Variants in NIN observed in about 807,000 individuals in gnomAD.
NIN encodes the protein ninein.
NIN carries 137 observed loss-of-function variants against 257.6 expected under a neutral mutation model. That is an observed-to-expected ratio of 0.53 (90% confidence interval 0.46 to 0.61). The LOEUF (loss-of-function observed/expected upper bound fraction) is 0.61. Ranked by LOEUF, NIN falls within the 20% of genes least tolerant of loss-of-function variation. The probability of loss-of-function intolerance (pLI) is 0.00; values close to 1 mark genes in which losing one functional copy is unlikely to be tolerated. For missense variants in NIN, 2,439 were observed against 2,501.2 expected, an observed-to-expected ratio of 0.98 and a Z score of 0.53; for synonymous variants, 918 against 919.8, an observed-to-expected ratio of 1.00 and a Z score of 0.04.
chr14:50,751,863 T>C (rs2140704706), intron 21 of NIN, among the ~76,000 whole-genome samples: 1 of 152,332 alleles, frequency 6.6e-6, no homozygotes, highest in Non-Finnish European at 1.5e-5. Context: ...TTTGTTCGTA[T>C]GCTTCTCCCA....
rs546555629 is a variant in NIN at position 50,790,713 on chromosome 14, A to C, written c.435+1999T>G. On this transcript the variant is annotated intron_variant, in intron 5 of 30. Transcript: ENST00000530997. ...TATCTAAGAGGTTTCTGGAGGAGTT[A>C]AGGGAAGTTGTAAGTACATCAAGGG... 2.0e-5 allele frequency among the ~76,000 whole-genome samples: 3 copies of C among 152,326 alleles called. No homozygotes were observed. The South Asian group carries it at 6.2e-4, about 32-fold the overall frequency.
rs749775164 is a variant in NIN, at chr14:50,758,350, T to C, written c.2680A>G (p.Arg894Gly). ...KTTSLVLTQE[R>G]EMLEKTYKEH... The stretch of plus-strand genomic sequence containing the variant: ...TTGTATGTTTTCTCCAGCATCTCTC[T>C]CTCCTGGGTCAGGACCAGAGAAGTT... The change falls in exon 18 of 31, where the codon AGA (arginine) becomes GGA (glycine). Residue 894 changes from arginine (R) to glycine (G), a missense_variant. By Grantham distance (125) the Arg-to-Gly change is moderately radical (BLOSUM62 -2). Around this residue, in one of 3 missense-constraint regions of NIN, gnomAD observed 2,043 missense variants for 2,050.2 expected, o/e 1.00. Transcript: ENST00000530997. 1.9e-6 allele frequency: 3 copies of C among 1,614,154 alleles called. No individual in the cohort carries two copies. The highest frequency in any genetic ancestry group is 2.7e-5 in the African/African-American group (2 of 74,950).
rs764551923 is a variant in NIN, at chr14:50,771,202, G to T, written c.1118+130C>A. On this transcript the variant is annotated intron_variant, in intron 10 of 30. Coordinates refer to ENST00000530997, the MANE Select transcript of NIN (RefSeq NM_020921.4). ...TTTTCCTATACTTTAAGGAAGATGT[G>T]TGCAGCAGTTGGATAGAAGATGAGC... 167 of 1,212,366 alleles carry T rather than the reference G, an allele frequency of 1.4e-4. 1 individual carries two copies. The highest frequency in any genetic ancestry group is 1.6e-4 in the Admixed American group (6 of 38,450). The allele number at this position is 1,212,366 out of a possible 1,614,324, so 75.1% of individuals were successfully genotyped here.
chr14:50,763,886 A>G lies in NIN; in HGVS notation c.1714T>C (p.Leu572=), dbSNP rs762708375. 5.6e-6 allele frequency: 9 copies of G among 1,614,020 alleles called. No homozygotes were observed. The highest frequency in any genetic ancestry group is 7.6e-6 in the Non-Finnish European group (9 of 1,179,892). ...RAQGRVLRLP[L]KNSPSEEVEA... is the part of the protein sequence containing the mutation. ...ACTTCTTCTGACGGTGAGTTCTTCA[A>G]CGGAAGCCTGAGCACTCTGCCTTGT... The change falls in exon 15 of 31, where the codon TTG becomes CTG. Residue 572 remains leucine (L), a synonymous_variant. Coordinates refer to ENST00000530997, the MANE Select transcript of NIN (RefSeq NM_020921.4).
At chr14:50,811,288 T>C (rs1216459064) in intron 3 of NIN, among the ~76,000 whole-genome samples, 1 of 151,818 alleles carries the variant, frequency 6.6e-6, no homozygotes, top group Non-Finnish European at 1.5e-5. Context: ...TTTGTGTTTT[T>C]AGTAGAGACG....
intron 3 of NIN, among the ~76,000 whole-genome samples, chr14:50,814,805 T>G (rs2044804665): frequency 6.6e-6 from 1 of 152,214 alleles, no homozygotes; most frequent in Non-Finnish European, 1.5e-5. Flanking sequence ...ATTCCCTATT[T>G]AACAAATGGT....
chr14:50,794,214 C>T (rs938576686), intron 4 of NIN, among the ~76,000 whole-genome samples: 2 of 152,174 alleles, frequency 1.3e-5, no homozygotes, highest in Non-Finnish European at 2.9e-5. Context: ...GGGACAAGCT[C>T]GGATTTCACT....
rs184003395 is a variant in NIN, at chr14:50,823,372, T to C, written c.-21-1295A>G. On this transcript the variant is annotated intron_variant, in intron 2 of 30. Transcript: ENST00000530997. ...AGCAGCAGCTTTCACTAACCAAGCA[T>C]CTTTAATCCAAGCCAAATTACAGAA... 205 of 505,502 alleles carry C rather than the reference T, an allele frequency of 4.1e-4. 1 individual carries two copies. Among genetic ancestry groups the C allele is most frequent in the African/African-American group, 3.8e-3 (192 of 50,312 alleles). 31.3% of individuals were successfully genotyped at this position (505,502 alleles called of 1,614,324 possible).
intron 30 of NIN, 25 bp from the exon 31 acceptor site, chr14:50,723,697 T>G: frequency 6.2e-7 from 1 of 1,602,398 alleles, no homozygotes; most frequent in Non-Finnish European, 8.5e-7. Flanking sequence ...AGAAACATCT[T>G]GACTCCATTT....
chr14:50,768,877 G>C (rs1221359134), intron 12 of NIN, among the ~76,000 whole-genome samples: 3 of 152,186 alleles, frequency 2.0e-5, no homozygotes, highest in African/African-American at 2.4e-5. Context: ...TCAGAGGCTG[G>C]GGAAATGCAG....
At chr14:50,760,693 G>A (rs918233722) in intron 16 of NIN, among the ~76,000 whole-genome samples, 3 of 151,860 alleles carry the variant, frequency 2.0e-5, no homozygotes, top group African/African-American at 7.3e-5. Flanking sequence ...TATTTTTTGA[G>A]ACAGGTTCTC....
At position 50,760,174 on chromosome 14, in the gene NIN, A is replaced by G. The variant is rs370050222; in HGVS notation, c.2082T>C (p.Thr694=). The G allele has an allele frequency of 1.9e-6, 3 of 1,614,120 alleles. No homozygotes were observed. In the African/African-American group the frequency reaches 4.0e-5, roughly 22 times the overall value. Residue 694 remains threonine (T), a synonymous_variant, in exon 17 of 31, where the codon ACT becomes ACC. Transcript: ENST00000530997. ...GTTTTTTCTCCTCCTCATGCCTGCA[A>G]GTGGCCTCATGATGTGCCTCCTTGA... ...AVLKEAHHEA[T]CRHEEEKKQL...
Position 50,738,559 on chromosome 14 carries a change from T to C in NIN, c.5629-273A>G, listed in dbSNP as rs115377788. 8.0e-3 allele frequency among the ~76,000 whole-genome samples: 1,222 copies of C among 152,282 alleles called. 18 individuals are homozygous for C. Among genetic ancestry groups the C allele is most frequent in the African/African-American group, 0.027 (1,135 of 41,552 alleles). On this transcript the variant is annotated intron_variant, in intron 26 of 30. Transcript: ENST00000530997. Reference sequence around the variant, plus strand: ...ACTCTCCAGGAGTCAACAGTGTATGTGATGTGGCTGCCAGGAAAACAGGCA... The same window carrying C: ...ACTCTCCAGGAGTCAACAGTGTATGCGATGTGGCTGCCAGGAAAACAGGCA...
chr14:50,769,109 T>C (rs1007961765), intron 12 of NIN, among the ~76,000 whole-genome samples: 2 of 152,256 alleles, frequency 1.3e-5, no homozygotes, highest in Admixed American at 1.3e-4. Context: ...CCTTTTGCGA[T>C]AGCAATAACA....
At chr14:50,767,724 G>A (rs2042557955) in intron 12 of NIN, among the ~76,000 whole-genome samples, 1 of 151,894 alleles carries the variant, frequency 6.6e-6, no homozygotes, top group Non-Finnish European at 1.5e-5. Context: ...GGCTGAGGCG[G>A]GAGAATGGTG....
Position 50,723,374 on chromosome 14 carries a change from A to C in NIN, c.*89T>G, listed in dbSNP as rs950997133. 2 of 1,109,398 alleles carry C rather than the reference A, an allele frequency of 1.8e-6. No individual in the cohort carries two copies. The highest frequency in any genetic ancestry group is 3.1e-5 in the African/African-American group (2 of 64,192). The allele number at this position is 1,109,398 out of a possible 1,614,324, so 68.7% of individuals were successfully genotyped here. ...CTCCAGTTGTGTTGCTGGCAGTTTT[A>C]GGTTAGGCTTAATTTTAAGTTGAGA... On this transcript the variant is annotated 3_prime_UTR_variant, in exon 31 of 31. Coordinates refer to ENST00000530997, the MANE Select transcript of NIN (RefSeq NM_020921.4).
chr14:50,772,268 G>T (rs2042766602), intron 9 of NIN, 33 bp downstream of exon 9: 2 of 1,552,054 alleles, frequency 1.3e-6, no homozygotes. Flanking sequence ...CCCTTCTCCA[G>T]TTTGTCATTT....
Position 50,744,310 on chromosome 14 carries a change from C to T in NIN, c.5120G>A (p.Ser1707Asn). 6.2e-7 allele frequency: 1 copy of T among 1,614,100 alleles called. No homozygotes were observed. The highest frequency in any genetic ancestry group is 8.5e-7 in the Non-Finnish European group (1 of 1,179,986). The stretch of plus-strand genomic sequence containing the variant: ...TTCTTTCAGCAGTTTTTCGTTGTAG[C>T]TTAGAACACTAGAGATTTTTTGCTG... ...DFQQKISSVLSYNEKLLKEKE... is the reference protein window; with the variant it reads ...DFQQKISSVLNYNEKLLKEKE... The change falls in exon 23 of 31, where the codon AGC (serine) becomes AAC (asparagine). Residue 1707 changes from serine (S) to asparagine (N), a missense_variant. Ser to Asn is a conservative substitution (Grantham distance 46). Coordinates refer to ENST00000530997, the MANE Select transcript of NIN (RefSeq NM_020921.4).
intron 12 of NIN, among the ~76,000 whole-genome samples, chr14:50,767,261 A>G (rs1270185163): frequency 1.3e-5 from 2 of 152,226 alleles, no homozygotes; most frequent in Admixed American, 1.3e-4. Context: ...TATACTGATA[A>G]TGTGTCAAAA....
Sources: gnomAD v4.1 joint callset for allele counts (sites outside exome capture counted in the v4.1 genomes callset) on GRCh38, gnomAD v4.1.1 for gene constraint, gnomAD v4.1.1 regional missense constraint, MANE v1.5 for transcripts, NCBI Gene and HGNC (gene_info 2026-07-23, HGNC 2026-07-21) for gene names.